SYT9: variants seen among roughly 807,000 people sequenced by gnomAD.
SYT9 encodes the protein synaptotagmin 9, also known as synaptotagmin-9.
A neutral mutation model predicts 48.4 loss-of-function variants in SYT9; 22 were observed. That is an observed-to-expected ratio of 0.45 (90% CI 0.32 to 0.65). The LOEUF (loss-of-function observed/expected upper bound fraction) is 0.65, where lower values mean the gene tolerates loss of function less well. Among genes scored for constraint, SYT9 ranks in the 30% least tolerant of loss-of-function variants. The pLI, the probability that SYT9 is intolerant of heterozygous loss-of-function variation, is 0.03. For missense variants in SYT9, 577 were observed against 622.0 expected, an observed-to-expected ratio of 0.93 and a Z score of 0.77; for synonymous variants, 265 against 245.0, an observed-to-expected ratio of 1.08 and a Z score of -0.76.
Position 7,251,966 on chromosome 11 carries a change from G to C in SYT9, c.-221G>C. 2.2e-6 allele frequency: 1 copy of C among 446,456 alleles called. No homozygotes were observed. The highest frequency in any genetic ancestry group is 3.9e-6 in the Non-Finnish European group (1 of 257,394). 27.7% of individuals were successfully genotyped at this position (446,456 alleles called of 1,614,324 possible). A position where few individuals can be genotyped will look rare whatever the true frequency, so the allele number is the denominator to read the frequency against. On this transcript the variant is annotated 5_prime_UTR_variant, in exon 1 of 7. Coordinates refer to ENST00000318881, the MANE Select transcript of SYT9 (RefSeq NM_175733.4). ...GGGGAGGGACGGAGGGACCGGGCGG[G>C]AGAGAGAGAAAGCCTGACCGACCGG...
At chr11:7,415,067 G>A (rs1413200513) in intron 3 of SYT9, among the ~76,000 whole-genome samples, 1 of 152,110 alleles carries the variant, frequency 6.6e-6, no homozygotes, top group Non-Finnish European at 1.5e-5. Flanking sequence ...CTATCTGAAT[G>A]GCTGCACAGT....
At chr11:7,318,166 T>C (rs943977477) in intron 3 of SYT9, among the ~76,000 whole-genome samples, 6 of 152,248 alleles carry the variant, frequency 3.9e-5, no homozygotes, top group Non-Finnish European at 7.3e-5. Flanking sequence ...AGATCTTGCA[T>C]GTCTCTTGTT....
intron 3 of SYT9, among the ~76,000 whole-genome samples, chr11:7,352,907 ATAG>A (rs1266477130): frequency 6.6e-6 from 1 of 152,232 alleles, no homozygotes; most frequent in Non-Finnish European, 1.5e-5. Flanking sequence ...CAAGAATAAA[ATAG>A]TAGGACTTCT....
chr11:7,301,840 C>G (rs1022664079), intron 1 of SYT9, among the ~76,000 whole-genome samples: 1 of 152,136 alleles, frequency 6.6e-6, no homozygotes, highest in African/African-American at 2.4e-5. Context: ...CACCATAATG[C>G]CAGAAATGCA....
At chr11:7,428,311 C>A (rs1394180145) in intron 6 of SYT9, among the ~76,000 whole-genome samples, 2 of 152,228 alleles carry the variant, frequency 1.3e-5, no homozygotes, top group Non-Finnish European at 2.9e-5. Context: ...ATCCCTGCTG[C>A]ACACTTGAAT....
chr11:7,405,064 C>T (rs1399605291), intron 3 of SYT9, among the ~76,000 whole-genome samples: 2 of 147,892 alleles, frequency 1.4e-5, no homozygotes, highest in East Asian at 4.0e-4. Flanking sequence ...GTCAGTAACA[C>T]TTCTTCACAT....
At position 7,398,448 on chromosome 11, in the gene SYT9, C is replaced by T. The variant is rs191905599; in HGVS notation, c.1045-17594C>T. Among the ~76,000 whole-genome samples the T allele has an allele frequency of 2.8e-4, 42 of 148,508 alleles. 3 individuals carry two copies. Among genetic ancestry groups the T allele is most frequent in the East Asian group, 2.0e-3 (10 of 5,044 alleles). The stretch of plus-strand genomic sequence containing the variant: ...TTTTTGAGACAGAGTCTCACCCTGT[C>T]GCCCAGGCTGGAGTGCAGTGGCATG... On this transcript the variant is annotated intron_variant, in intron 3 of 6. Transcript: ENST00000318881.
At chr11:7,354,697 T>C (rs774749529) in intron 3 of SYT9, among the ~76,000 whole-genome samples, 1 of 152,116 alleles carries the variant, frequency 6.6e-6, no homozygotes, top group Non-Finnish European at 1.5e-5. Flanking sequence ...CACTGCTACT[T>C]CATTGCAAGA....
In SYT9 at chr11:7,420,576, T is replaced by C. The variant is rs1847334648; in HGVS notation, c.1408T>C (p.Trp470Arg). The change falls in exon 6 of 7, where the codon TGG becomes CGG. Residue 470 changes from tryptophan to arginine, a missense_variant. By Grantham distance (101) the Trp-to-Arg change is moderately radical. Coordinates refer to ENST00000318881, the MANE Select transcript of SYT9 (RefSeq NM_175733.4). ...NEAERLGRDH[W>R]SEMLSYPRKP... is the part of the protein sequence containing the mutation. ...GGCTGAGAGGCTGGGCAGAGACCAC[T>C]GGAGTGAAATGTTGTCATATCCTCG... The C allele has an allele frequency of 6.2e-7, 1 of 1,614,188 alleles. No homozygotes were observed. The highest frequency in any genetic ancestry group is 8.5e-7 in the Non-Finnish European group (1 of 1,180,016).
intron 1 of SYT9, among the ~76,000 whole-genome samples, chr11:7,273,885 C>T (rs1206566350): frequency 6.6e-6 from 1 of 151,736 alleles, no homozygotes; most frequent in Non-Finnish European, 1.5e-5. Context: ...GAGCATCACA[C>T]ACCAGGGCCT....
chr11:7,257,108 T>G (rs768272563), intron 1 of SYT9, among the ~76,000 whole-genome samples: 1 of 152,172 alleles, frequency 6.6e-6, no homozygotes, highest in Non-Finnish European at 1.5e-5. Flanking sequence ...GTTCATCTAT[T>G]GATTCTAATG....
At chr11:7,342,192 C>T (rs61888567) in intron 3 of SYT9, among the ~76,000 whole-genome samples, 39,498 of 151,950 alleles carry the variant, frequency 0.26, 5,476 homozygotes, top group Middle Eastern at 0.32. Context: ...ATCTCATGTC[C>T]TCACATTTCA....
intron 1 of SYT9, among the ~76,000 whole-genome samples, chr11:7,277,288 C>T (rs1400174638): frequency 6.6e-6 from 1 of 152,082 alleles, no homozygotes; most frequent in African/African-American, 2.4e-5. Flanking sequence ...TGGTCATTGT[C>T]ATCAAGTTAT....
intron 3 of SYT9, among the ~76,000 whole-genome samples, chr11:7,410,937 C>G (rs949754933): frequency 6.6e-6 from 1 of 152,196 alleles, no homozygotes; most frequent in African/African-American, 2.4e-5. Context: ...TCACTGCAAC[C>G]TCTGCCTCCC....
At chr11:7,450,396 C>G (rs1848025757) in intron 6 of SYT9, 1 of 152,196 alleles carries the variant, frequency 6.6e-6, no homozygotes, top group Admixed American at 6.5e-5. Flanking sequence ...TAGCATCTGT[C>G]ATGGGAATAA....
intron 3 of SYT9, among the ~76,000 whole-genome samples, chr11:7,355,489 C>T (rs908607640): frequency 2.6e-5 from 4 of 152,218 alleles, no homozygotes; most frequent in African/African-American, 9.6e-5. Flanking sequence ...CAAATCTCAC[C>T]TTCTCCTTAA....
chr11:7,363,121 A>G (rs1309512703), intron 3 of SYT9, among the ~76,000 whole-genome samples: 2 of 151,484 alleles, frequency 1.3e-5, no homozygotes, highest in East Asian at 3.9e-4. Flanking sequence ...CTCCACTAGT[A>G]CTATCTGGGC....
At chr11:7,459,315 T>TA (rs1848202295) in intron 6 of SYT9, among the ~76,000 whole-genome samples, 1 of 152,068 alleles carries the variant, frequency 6.6e-6, no homozygotes, top group African/African-American at 2.4e-5. Context: ...GATCAGGCTG[T>TA]AAAAATGGAT....
intron 6 of SYT9, among the ~76,000 whole-genome samples, chr11:7,441,991 T>C (rs570805844): frequency 6.6e-6 from 1 of 151,936 alleles, no homozygotes; most frequent in African/African-American, 2.4e-5. Context: ...CTGCACTCCA[T>C]TATCCACCTC....
Sources: gnomAD v4.1 joint callset for allele counts (sites outside exome capture counted in the v4.1 genomes callset) on GRCh38, gnomAD v4.1.1 for gene constraint, MANE v1.5 for transcripts, NCBI Gene and HGNC (gene_info 2026-07-23, HGNC 2026-07-21) for gene names.